The following KHDRBS2 variants were observed in gnomAD, a reference collection of about 807,000 sequenced individuals.
The protein encoded by KHDRBS2 is KH domain-containing, RNA-binding, signal transduction-associated protein 2.
Under a neutral mutation model 44.3 loss-of-function variants are expected in KHDRBS2, and 26 were observed. The ratio of observed to expected loss-of-function variants is 0.59; its 90% CI spans 0.43 to 0.81. KHDRBS2 has a LOEUF of 0.81. KHDRBS2 is among the 40% of genes least tolerant of loss of function. KHDRBS2 has a pLI of 0.00. For synonymous variants in KHDRBS2, 194 were observed against 151.1 expected, an observed-to-expected ratio of 1.28 and a Z score of -2.08; for missense variants, 476 against 433.1, an observed-to-expected ratio of 1.10 and a Z score of -0.88.
chr6:62,124,346 T>C lies in KHDRBS2; in HGVS notation c.219+52839A>G, dbSNP rs751651267. 2.0e-5 allele frequency among the ~76,000 whole-genome samples: 3 copies of C among 152,310 alleles called. No homozygotes were observed. In the East Asian group the frequency reaches 5.8e-4, roughly 29 times the overall value. On this transcript the variant is annotated intron_variant, in intron 2 of 8. Transcript: ENST00000281156. ...AAAGTCCAAGGTTTTCTGAGATGGATATATGGTCCTTGTGTGATCCTATTT... is the reference window on the plus strand; with the variant it reads ...AAAGTCCAAGGTTTTCTGAGATGGACATATGGTCCTTGTGTGATCCTATTT...
intron 2 of KHDRBS2, among the ~76,000 whole-genome samples, chr6:62,176,569 T>G (rs1328922298): frequency 1.3e-5 from 2 of 151,266 alleles, no homozygotes; most frequent in African/African-American, 4.8e-5. Context: ...ATCCCTCTGT[T>G]TACCCATTGA....
intron 7 of KHDRBS2, among the ~76,000 whole-genome samples, chr6:61,719,935 C>A (rs1454866720): frequency 6.6e-6 from 1 of 152,108 alleles, no homozygotes; most frequent in Non-Finnish European, 1.5e-5. Flanking sequence ...CGCCTCTTCC[C>A]ACCCCACAAC....
chr6:61,886,191 A>C (rs1800928341), intron 6 of KHDRBS2, among the ~76,000 whole-genome samples: 1 of 152,146 alleles, frequency 6.6e-6, no homozygotes, highest in Non-Finnish European at 1.5e-5. Flanking sequence ...TTCAGGTGGC[A>C]TTTTATTATA....
chr6:62,031,011 A>G lies in KHDRBS2; in HGVS notation c.336+16867T>C, dbSNP rs191464508. ...AACAGGGATGACCCTCAAAAGCATTATGTTAAGTGAAAAAAGCATAGACAA... is the reference window on the plus strand; with the variant it reads ...AACAGGGATGACCCTCAAAAGCATTGTGTTAAGTGAAAAAAGCATAGACAA... On this transcript the variant is annotated intron_variant, in intron 3 of 8. Transcript: ENST00000281156. 1.7e-3 allele frequency among the ~76,000 whole-genome samples: 259 copies of G among 152,250 alleles called. 9 individuals carry two copies. In the South Asian group the frequency reaches 0.048, roughly 28 times the overall value.
chr6:61,875,011 C>T (rs766068594), intron 6 of KHDRBS2, among the ~76,000 whole-genome samples: 1 of 152,072 alleles, frequency 6.6e-6, no homozygotes, highest in East Asian at 1.9e-4. Flanking sequence ...TACCATCTAG[C>T]AGAAGAGACA....
At chr6:61,972,408 T>C (rs1218884646) in intron 4 of KHDRBS2, among the ~76,000 whole-genome samples, 7 of 152,200 alleles carry the variant, frequency 4.6e-5, no homozygotes, top group Admixed American at 4.6e-4. Flanking sequence ...ACTATTATCA[T>C]AGTGCTATAG....
At chr6:61,844,166 C>T (rs1342784734) in intron 6 of KHDRBS2, among the ~76,000 whole-genome samples, 2 of 152,034 alleles carry the variant, frequency 1.3e-5, no homozygotes, top group African/African-American at 4.8e-5. Flanking sequence ...CTTTAAAGGC[C>T]TCAAATTACC....
chr6:62,066,826 G>T (rs1427839565), intron 2 of KHDRBS2, among the ~76,000 whole-genome samples: 3 of 151,480 alleles, frequency 2.0e-5, no homozygotes, highest in African/African-American at 7.3e-5. Flanking sequence ...ATAAGTAACT[G>T]CTTTTTTGTC....
At chr6:61,794,527 T>A (rs1459035158) in intron 6 of KHDRBS2, among the ~76,000 whole-genome samples, 1 of 152,210 alleles carries the variant, frequency 6.6e-6, no homozygotes, top group Non-Finnish European at 1.5e-5. Context: ...TTTGCCTGAC[T>A]GGATGAGAAT....
At chr6:61,922,917 C>G (rs1034687785) in intron 4 of KHDRBS2, among the ~76,000 whole-genome samples, 1 of 151,962 alleles carries the variant, frequency 6.6e-6, no homozygotes, top group South Asian at 2.1e-4. Flanking sequence ...ACCAGGCATG[C>G]GAAGAAGCAG....
At chr6:62,177,409 CCTCTT>C (rs970001726) in intron 1 of KHDRBS2, 97 bp from the exon 2 acceptor site, 12 of 915,474 alleles carry the variant, frequency 1.3e-5, no homozygotes, top group African/African-American at 1.0e-4. Context: ...TCATATTACT[CCTCTT>C]CTCAAATAAG....
At chr6:62,056,028 C>T (rs371343283) in intron 2 of KHDRBS2, among the ~76,000 whole-genome samples, 7 of 151,946 alleles carry the variant, frequency 4.6e-5, no homozygotes, top group Non-Finnish European at 1.0e-4. Context: ...CTCCCCTGTG[C>T]TCTGAGGCTT....
At chr6:61,575,891 G>A in the KHDRBS2 span, among the ~76,000 whole-genome samples, 3 of 152,022 alleles carry the variant, frequency 2.0e-5, no homozygotes, top group Admixed American at 2.0e-4. Flanking sequence ...CTTATAATTG[G>A]GAGCTAAGCT....
chr6:61,767,093 C>T (rs1444014241), intron 6 of KHDRBS2, among the ~76,000 whole-genome samples: 1 of 152,060 alleles, frequency 6.6e-6, no homozygotes, highest in African/African-American at 2.4e-5. Context: ...GTCTATCACT[C>T]TCTTTAGTTC....
intron 4 of KHDRBS2, among the ~76,000 whole-genome samples, chr6:61,970,084 T>C (rs1424841123): frequency 6.6e-6 from 1 of 152,004 alleles, no homozygotes; most frequent in Non-Finnish European, 1.5e-5. Context: ...TACAATTGAC[T>C]CATTTATGTA....
intron 1 of KHDRBS2, among the ~76,000 whole-genome samples, chr6:62,206,830 T>G (rs946135973): frequency 5.9e-5 from 9 of 152,110 alleles, no homozygotes; most frequent in African/African-American, 1.9e-4. Context: ...TAAAGAATAT[T>G]TTGTTTTTCA....
chr6:61,917,921 C>T (rs1807317945), intron 4 of KHDRBS2, among the ~76,000 whole-genome samples: 1 of 151,924 alleles, frequency 6.6e-6, no homozygotes, highest in South Asian at 2.1e-4. Context: ...AGTCATATTG[C>T]TAAATAAGTA....
chr6:62,118,562 A>C (rs1318924124), intron 2 of KHDRBS2, among the ~76,000 whole-genome samples: 1 of 152,126 alleles, frequency 6.6e-6, no homozygotes, highest in Non-Finnish European at 1.5e-5. Context: ...GAAGGATACA[A>C]AATATTGTTT....
At chr6:61,648,729 C>T in the KHDRBS2 span, among the ~76,000 whole-genome samples, 1 of 152,086 alleles carries the variant, frequency 6.6e-6, no homozygotes, top group South Asian at 2.1e-4. Flanking sequence ...CTCAAAGAAG[C>T]CAACGTGTGG....
Sources: allele counts gnomAD v4.1 joint callset (sites outside exome capture counted in the v4.1 genomes callset), GRCh38; gene constraint gnomAD v4.1.1; transcripts MANE v1.5; gene names NCBI Gene and HGNC (gene_info 2026-07-23, HGNC 2026-07-21).